Variants in MEI1 observed in about 807,000 individuals in gnomAD.
MEI1 encodes the protein meiotic double-stranded break formation protein 1, also known as meiosis inhibitor protein 1.
A neutral mutation model predicts 146.2 loss-of-function variants in MEI1; 103 were observed. That is an observed-to-expected ratio of 0.70 (90% CI 0.60 to 0.83). MEI1 has a LOEUF of 0.83. Among genes scored for constraint, MEI1 ranks in the 40% least tolerant of loss-of-function variants. MEI1 has a pLI of 0.00. For synonymous variants in MEI1, 652 were observed against 628.2 expected (o/e 1.04, Z -0.57); for missense variants, 1,529 against 1,533.0 (o/e 1.00, Z 0.04).
At chr22:41,712,899 C>A (rs921045550) in intron 3 of MEI1, among the ~76,000 whole-genome samples, 7 of 150,564 alleles carry the variant, frequency 4.6e-5, no homozygotes, top group African/African-American at 1.7e-4. Flanking sequence ...AACTCCACCT[C>A]CCAGATTCAT....
At chr22:41,722,059 A>G (rs925083521) in intron 6 of MEI1, 4 of 146,588 alleles carry the variant, frequency 2.7e-5, no homozygotes, top group African/African-American at 1.0e-4. Context: ...AATTAACCCT[A>G]TGCATGTTTG....
At chr22:41,739,879 T>C (rs1601850743) in intron 11 of MEI1, among the ~76,000 whole-genome samples, 1 of 152,108 alleles carries the variant, frequency 6.6e-6, no homozygotes, top group African/African-American at 2.4e-5. Flanking sequence ...TTCGAGAGTA[T>C]AGAGATTGCT....
rs780377668 is a variant in MEI1, at chr22:41,795,558, A to G, written c.3666+16A>G. The G allele has an allele frequency of 6.2e-7, 1 of 1,613,540 alleles. No individual in the cohort carries two copies. Among genetic ancestry groups the G allele is most frequent in the African/African-American group, 1.3e-5 (1 of 74,976 alleles). Reference sequence around the variant, plus strand: ...CTTCCAGCAGGTGGGTGGGAAGGGGAGGCCATGCAGCCACTGTAAAGCTAG... The same window carrying G: ...CTTCCAGCAGGTGGGTGGGAAGGGGGGGCCATGCAGCCACTGTAAAGCTAG... On this transcript the variant is annotated intron_variant, in intron 29 of 30. Transcript: ENST00000401548. This position sits in a 1 kb window ranked among gnomAD's most constrained non-coding sequence, Gnocchi z 4.2.
intron 30 of MEI1, among the ~76,000 whole-genome samples, chr22:41,798,170 C>T (rs1035530258): frequency 7.8e-6 from 1 of 127,900 alleles, no homozygotes; most frequent in Non-Finnish European, 1.7e-5. Flanking sequence ...CACACACACA[C>T]ATAGTGTGTG....
At chr22:41,702,919 C>G (rs2068822701) in intron 1 of MEI1, among the ~76,000 whole-genome samples, 1 of 152,012 alleles carries the variant, frequency 6.6e-6, no homozygotes, top group Admixed American at 6.6e-5. Context: ...AGAGTTGCAC[C>G]ATGTTGGCCA....
chr22:41,790,195 G>A (rs183213388), intron 26 of MEI1, among the ~76,000 whole-genome samples: 86 of 152,216 alleles, frequency 5.6e-4, no homozygotes, highest in Non-Finnish European at 1.1e-3. Flanking sequence ...AGATTCTCGT[G>A]CCTCAGCCTA....
chr22:41,776,074 A>G, intron 20 of MEI1, 28 bp from the exon 21 acceptor site: 3 of 1,610,120 alleles, frequency 1.9e-6, no homozygotes, highest in Admixed American at 1.7e-5. Context: ...GTACCCTCTG[A>G]TCTCTGGCTT....
At chr22:41,704,645 C>G (rs1220355495) in intron 2 of MEI1, among the ~76,000 whole-genome samples, 2 of 151,942 alleles carry the variant, frequency 1.3e-5, no homozygotes, top group Admixed American at 6.6e-5. Context: ...AACTCCCAAC[C>G]TCAGGTGATC....
intron 2 of MEI1, among the ~76,000 whole-genome samples, chr22:41,703,705 C>T (rs995133696): frequency 1.3e-5 from 2 of 152,100 alleles, no homozygotes; most frequent in African/African-American, 2.4e-5. Context: ...AAATGTTGGC[C>T]GGGCGTGGTG....
intron 8 of MEI1, 93 bp downstream of exon 8, chr22:41,729,872 C>T (rs186617693): frequency 2.7e-5 from 19 of 700,096 alleles, no homozygotes; most frequent in Non-Finnish European, 4.0e-5. Context: ...TGAACTATGT[C>T]TCATAACATC....
intron 14 of MEI1, among the ~76,000 whole-genome samples, chr22:41,746,826 TGCAGGA>T (rs2073328548): frequency 6.6e-6 from 1 of 152,160 alleles, no homozygotes. Flanking sequence ...AGCTGGAGTC[TGCAGGA>T]GGTAGTGGTC....
chr22:41,713,005 T>A (rs2069740952), intron 3 of MEI1, among the ~76,000 whole-genome samples: 1 of 151,916 alleles, frequency 6.6e-6, no homozygotes, highest in African/African-American at 2.4e-5. Context: ...GAGACGGGGT[T>A]TCACCGTGTT....
intron 1 of MEI1, among the ~76,000 whole-genome samples, chr22:41,702,384 AC>A (rs898812560): frequency 2.3e-4 from 35 of 151,636 alleles, no homozygotes; most frequent in African/African-American, 7.7e-4. Context: ...CAGGTGAGCC[AC>A]CCACATTGGC....
chr22:41,757,869 G>A (rs896772944), intron 17 of MEI1, among the ~76,000 whole-genome samples: 2 of 152,114 alleles, frequency 1.3e-5, no homozygotes, highest in African/African-American at 4.8e-5. Flanking sequence ...GTTTTTGGGA[G>A]GCCAAGGTGG....
chr22:41,722,830 C>G (rs1168059076), intron 6 of MEI1, among the ~76,000 whole-genome samples: 1 of 152,124 alleles, frequency 6.6e-6, no homozygotes, highest in Non-Finnish European at 1.5e-5. Context: ...TTCTGACATG[C>G]ATTTCTTTAC....
chr22:41,751,713 A>G (rs1601926312), intron 15 of MEI1, among the ~76,000 whole-genome samples: 1 of 150,032 alleles, frequency 6.7e-6, no homozygotes, highest in Non-Finnish European at 1.5e-5. Flanking sequence ...CGGAGGTTAC[A>G]GTGAGCCAAG....
At chr22:41,779,858 A>G (rs2075665843) in intron 22 of MEI1, among the ~76,000 whole-genome samples, 1 of 152,154 alleles carries the variant, frequency 6.6e-6, no homozygotes, top group Non-Finnish European at 1.5e-5. Flanking sequence ...TGATGCTGCC[A>G]TCACTTCACA....
chr22:41,792,654 A>G (rs543755919), intron 26 of MEI1, among the ~76,000 whole-genome samples: 2 of 152,142 alleles, frequency 1.3e-5, no homozygotes, highest in African/African-American at 4.8e-5. Context: ...TATGGGGGTG[A>G]TAAGTGTATG....
intron 26 of MEI1, among the ~76,000 whole-genome samples, chr22:41,792,625 C>T (rs2076218132): frequency 6.6e-6 from 1 of 151,998 alleles, no homozygotes; most frequent in African/African-American, 2.4e-5. Context: ...GCTGTGGGCA[C>T]TGGAGTGATA....
Sources: allele counts gnomAD v4.1 joint callset (sites outside exome capture counted in the v4.1 genomes callset), GRCh38; gene constraint gnomAD v4.1.1; non-coding constraint Gnocchi (gnomAD v3.1); transcripts MANE v1.5; gene names NCBI Gene and HGNC (gene_info 2026-07-23, HGNC 2026-07-21).